SCP2: variants seen among roughly 807,000 people sequenced by gnomAD.
The protein encoded by SCP2 is SCP-2/3-oxoacyl-CoA thiolase.
A neutral mutation model predicts 71.4 loss-of-function variants in SCP2; 48 were observed. The observed-to-expected ratio is 0.67, with a 90% CI of 0.53 to 0.86. The LOEUF is 0.86. Among genes scored for constraint, SCP2 ranks in the 40% least tolerant of loss-of-function variants. The probability of loss-of-function intolerance (pLI) is 0.00; values close to 1 mark genes in which losing one functional copy is unlikely to be tolerated. For synonymous variants in SCP2, 220 were observed against 218.1 expected (o/e 1.01, Z -0.08); for missense variants, 560 against 655.6 (o/e 0.85, Z 1.59).
At chr1:52,955,476 G>C (rs933609943) in intron 5 of SCP2, among the ~76,000 whole-genome samples, 4 of 152,066 alleles carry the variant, frequency 2.6e-5, no homozygotes, top group Non-Finnish European at 5.9e-5. Context: ...ACTTCCATGA[G>C]ATGATAGGGA....
At chr1:53,047,799 T>C in intron 14 of SCP2, 59 bp from the exon 15 acceptor site, 3 of 1,218,922 alleles carry the variant, frequency 2.5e-6, no homozygotes, top group Non-Finnish European at 3.7e-6. Flanking sequence ...TTGACAAAAA[T>C]GTATATGTGA....
intron 11 of SCP2, chr1:52,995,464 C>A: frequency 2.3e-6 from 1 of 431,310 alleles, no homozygotes; most frequent in Non-Finnish European, 4.7e-6. Flanking sequence ...TGCTGACCTC[C>A]GCAAGTTGGC....
chr1:52,975,682 T>G (rs914028796), intron 7 of SCP2, among the ~76,000 whole-genome samples: 1 of 152,230 alleles, frequency 6.6e-6, no homozygotes, highest in Non-Finnish European at 1.5e-5. Context: ...AAAAGTTGGC[T>G]GAATTGCAGG....
intron 12 of SCP2, among the ~76,000 whole-genome samples, chr1:53,027,153 C>T (rs867918800): frequency 1.3e-5 from 2 of 152,086 alleles, no homozygotes; most frequent in South Asian, 2.1e-4. Context: ...CACCCAGGCT[C>T]AAGCAATCCT....
Position 52,986,986 on chromosome 1 carries a change from GTA to G in SCP2, c.974-1023_974-1022del, listed in dbSNP as rs1222189292. Among the ~76,000 whole-genome samples, 855 of 101,352 alleles carry G rather than the reference GTA, an allele frequency of 8.4e-3. 14 individuals are homozygous for G. Among genetic ancestry groups the G allele is most frequent in the African/African-American group, 0.029 (817 of 28,152 alleles). The allele number at this position is 101,352 out of a possible 152,430, so 66.5% of individuals were successfully genotyped here. ...TTGCTTTTTGTAATTTTTTTCTTCT[GTA>G]TATATATATATATATATATTTTTTT... On this transcript the variant is annotated intron_variant, in intron 10 of 15. Transcript: ENST00000371514.
At chr1:53,019,513 G>A (rs566025407) in intron 12 of SCP2, among the ~76,000 whole-genome samples, 1 of 152,210 alleles carries the variant, frequency 6.6e-6, no homozygotes, top group East Asian at 1.9e-4. Context: ...CTTACTTTCT[G>A]GCGCAAGAAG....
At chr1:53,021,843 C>G (rs1240326362) in intron 12 of SCP2, among the ~76,000 whole-genome samples, 1 of 151,710 alleles carries the variant, frequency 6.6e-6, no homozygotes, top group African/African-American at 2.4e-5. Flanking sequence ...CGGTGTTTTG[C>G]CATTTTTTCC....
chr1:53,023,823 T>C (rs568899951), intron 12 of SCP2, among the ~76,000 whole-genome samples: 1 of 152,166 alleles, frequency 6.6e-6, no homozygotes, highest in South Asian at 2.1e-4. Flanking sequence ...TCTAGTAGGC[T>C]CTCTTTTCAA....
At chr1:52,960,656 G>GTATATATGTA (rs1557562454) in intron 5 of SCP2, among the ~76,000 whole-genome samples, 11 of 146,688 alleles carry the variant, frequency 7.5e-5, no homozygotes, top group African/African-American at 2.6e-4. Context: ...ATGTATATAT[G>GTATATATGTA]TGTATATATA....
At chr1:53,018,585 T>C (rs887794603) in intron 12 of SCP2, among the ~76,000 whole-genome samples, 2 of 151,484 alleles carry the variant, frequency 1.3e-5, no homozygotes, top group Admixed American at 1.3e-4. Flanking sequence ...CTACTAAAAA[T>C]CAAAAATTAG....
chr1:52,998,478 C>T (rs567567363), intron 11 of SCP2, among the ~76,000 whole-genome samples: 1 of 152,276 alleles, frequency 6.6e-6, no homozygotes, highest in Middle Eastern at 3.4e-3. Context: ...CACCTGTAGT[C>T]TCAGCTACCC....
In SCP2 at chr1:52,987,006, ATT is replaced by A. The variant is rs1163545483; in HGVS notation, c.974-1005_974-1004del. 4.4e-3 allele frequency among the ~76,000 whole-genome samples: 489 copies of A among 110,404 alleles called. 1 individual carries two copies. The highest frequency in any genetic ancestry group is 0.014 in the East Asian group (56 of 4,096). 72.4% of individuals were successfully genotyped at this position (110,404 alleles called of 152,430 possible). On this transcript the variant is annotated intron_variant, in intron 10 of 15. Coordinates refer to ENST00000371514, the MANE Select transcript of SCP2 (RefSeq NM_002979.5). ...CTTCTGTATATATATATATATATAT[ATT>A]TTTTTTTTTTTTTTTTTGAGACAGA...
intron 2 of SCP2, among the ~76,000 whole-genome samples, chr1:52,942,496 A>G (rs1204148415): frequency 6.6e-6 from 1 of 152,062 alleles, no homozygotes; most frequent in Non-Finnish European, 1.5e-5. Context: ...ATCTGGCTGC[A>G]CTGTGGGTCT....
chr1:52,931,880 T>C (rs1653184517), intron 1 of SCP2, among the ~76,000 whole-genome samples: 1 of 151,772 alleles, frequency 6.6e-6, no homozygotes, highest in Non-Finnish European at 1.5e-5. Flanking sequence ...ACCTAAACTG[T>C]AACAACCTCA....
intron 6 of SCP2, among the ~76,000 whole-genome samples, chr1:52,961,907 A>G (rs565367575): frequency 6.6e-6 from 1 of 151,522 alleles, no homozygotes; most frequent in East Asian, 1.9e-4. Context: ...TGGACTATAA[A>G]TTATTTTTTT....
At chr1:52,959,567 T>TG (rs1479048520) in intron 5 of SCP2, among the ~76,000 whole-genome samples, 2 of 152,098 alleles carry the variant, frequency 1.3e-5, no homozygotes, top group African/African-American at 4.8e-5. Context: ...GATTTCTTTA[T>TG]GGGAAAGTTT....
intron 1 of SCP2, among the ~76,000 whole-genome samples, chr1:52,939,493 C>T (rs1209513550): frequency 6.6e-6 from 1 of 152,160 alleles, no homozygotes; most frequent in African/African-American, 2.4e-5. Context: ...CTGCAGTGAG[C>T]TGTGATCACA....
chr1:53,023,807 G>A (rs1361767085), intron 12 of SCP2, among the ~76,000 whole-genome samples: 2 of 152,056 alleles, frequency 1.3e-5, no homozygotes, highest in African/African-American at 4.8e-5. Context: ...ATATTAATAT[G>A]ATTCCTCTAG....
At chr1:53,034,237 C>T (rs1256808912) in intron 13 of SCP2, among the ~76,000 whole-genome samples, 1 of 151,566 alleles carries the variant, frequency 6.6e-6, no homozygotes, top group African/African-American at 2.4e-5. Flanking sequence ...AAACATGCCA[C>T]TGCACTCCAG....
Sources: allele counts gnomAD v4.1 joint callset (sites outside exome capture counted in the v4.1 genomes callset), GRCh38; gene constraint gnomAD v4.1.1; transcripts MANE v1.5; gene names NCBI Gene and HGNC (gene_info 2026-07-23, HGNC 2026-07-21).